The following ANK2 variants were observed in gnomAD, a reference collection of about 807,000 sequenced individuals.
The protein encoded by ANK2 is ankyrin 2.
Under a neutral mutation model 360.5 loss-of-function variants are expected in ANK2, and 83 were observed. The ratio of observed to expected loss-of-function variants is 0.23; its 90% CI spans 0.19 to 0.28. The LOEUF (loss-of-function observed/expected upper bound fraction) is 0.28. Among genes scored for constraint, ANK2 ranks in the 10% least tolerant of loss-of-function variants. The probability of loss-of-function intolerance (pLI) is 1.00; values close to 1 mark genes in which losing one functional copy is unlikely to be tolerated. For missense variants in ANK2, 4,201 were observed against 4,795.7 expected (o/e 0.88, Z 3.66); for synonymous variants, 1,740 against 1,759.5 (o/e 0.99, Z 0.28).
chr4:112,941,666 TATATATAAAAGGATATATAAAG>T (rs1446903783), intron 2 of ANK2, among the ~76,000 whole-genome samples: 14 of 145,790 alleles, frequency 9.6e-5, no homozygotes, highest in South Asian at 2.1e-4. Context: ...TATATATAAA[TATATATAAAAGGATATATAAAG>T]ATATATAAAA....
intron 2 of ANK2, among the ~76,000 whole-genome samples, chr4:112,951,644 T>A (rs1370758779): frequency 6.6e-6 from 1 of 150,428 alleles, no homozygotes; most frequent in South Asian, 2.1e-4. Context: ...TCTAAGGGTT[T>A]AAAAAAAAAA....
At chr4:112,838,913 C>T (rs969924562) in intron 1 of ANK2, among the ~76,000 whole-genome samples, 1 of 152,106 alleles carries the variant, frequency 6.6e-6, no homozygotes, top group African/African-American at 2.4e-5. Flanking sequence ...TTTGGTATTT[C>T]ACTTTCTCAT....
At chr4:113,044,167 A>G (rs2063671910) in intron 2 of ANK2, among the ~76,000 whole-genome samples, 1 of 152,180 alleles carries the variant, frequency 6.6e-6, no homozygotes, top group African/African-American at 2.4e-5. Context: ...GTTTTCATAA[A>G]CAACACCATA....
chr4:113,249,387 G>T (rs1017371232), intron 9 of ANK2, among the ~76,000 whole-genome samples: 2 of 152,112 alleles, frequency 1.3e-5, no homozygotes, highest in South Asian at 4.1e-4. Flanking sequence ...CCCTGTTTTC[G>T]GTTCCAGGGA....
In ANK2 at chr4:113,345,879, T is replaced by C. The variant is rs72556368; in HGVS notation, c.4249-21T>C. ...CTGCAAATCAAATGTGGGTGAAGCA[T>C]GTATGTCTTTCTTGTTCAAGGTACG... is the stretch of plus-strand genomic sequence containing the variant. On this transcript the variant is annotated intron_variant, in intron 34 of 45. Coordinates refer to ENST00000357077, the MANE Select transcript of ANK2 (RefSeq NM_001148.6). The C allele has an allele frequency of 6.0e-3, 9,743 of 1,612,940 alleles. 930 individuals are homozygous for C. In the Admixed American group the frequency reaches 0.15, roughly 25 times the overall value.
At chr4:112,958,476 CG>C (rs1219800069) in intron 2 of ANK2, among the ~76,000 whole-genome samples, 1 of 152,066 alleles carries the variant, frequency 6.6e-6, no homozygotes, top group Non-Finnish European at 1.5e-5. Flanking sequence ...CGCCTGCAAT[CG>C]CAGGCACTCG....
chr4:112,788,885 C>T, the ANK2 span: 4 of 708,698 alleles, frequency 5.6e-6, no homozygotes, highest in Non-Finnish European at 9.8e-6. Flanking sequence ...GCATCTTGGG[C>T]TGCGGGAGGA....
intron 37 of ANK2, among the ~76,000 whole-genome samples, chr4:113,351,521 T>C (rs2095413210): frequency 6.6e-6 from 1 of 152,166 alleles, no homozygotes; most frequent in African/African-American, 2.4e-5. Context: ...CAAATACAGA[T>C]TCTCCCAAGA....
intron 2 of ANK2, among the ~76,000 whole-genome samples, chr4:112,974,688 A>G (rs541564487): frequency 5.3e-5 from 8 of 152,226 alleles, no homozygotes; most frequent in Non-Finnish European, 1.0e-4. Flanking sequence ...TTCACTTTGT[A>G]GGAAAAGGCA....
intron 26 of ANK2, among the ~76,000 whole-genome samples, chr4:113,323,186 T>C (rs1411536198): frequency 6.6e-6 from 1 of 152,068 alleles, no homozygotes; most frequent in African/African-American, 2.4e-5. Flanking sequence ...AAGCAGGAAA[T>C]GAAGTATTGA....
At chr4:112,807,499 T>A in the ANK2 span, among the ~76,000 whole-genome samples, 1 of 152,174 alleles carries the variant, frequency 6.6e-6, no homozygotes, top group African/African-American at 2.4e-5. Flanking sequence ...AGGTTCTGGA[T>A]GATGGTGAAT....
chr4:113,186,672 G>T (rs1012812854), intron 2 of ANK2, among the ~76,000 whole-genome samples: 2 of 150,354 alleles, frequency 1.3e-5, no homozygotes, highest in African/African-American at 4.9e-5. Context: ...ATGATCTCTA[G>T]TCTTTTCAAG....
chr4:112,984,003 A>G (rs2044019337), intron 2 of ANK2, among the ~76,000 whole-genome samples: 1 of 152,250 alleles, frequency 6.6e-6, no homozygotes, highest in African/African-American at 2.4e-5. Flanking sequence ...TGACGAAATA[A>G]TAATGATAAT....
chr4:112,954,251 C>T lies in ANK2; in HGVS notation c.21+49737C>T, dbSNP rs575132778. The stretch of plus-strand genomic sequence containing the variant: ...CCTCCCTTCCTTCCTTCCTTCCTTG[C>T]TTCCTTCCTACCTTCCTTCCTTCCT... On this transcript the variant is annotated intron_variant, in intron 2 of 30. Transcript: ENST00000503271. Among the ~76,000 whole-genome samples the T allele has an allele frequency of 8.4e-4, 111 of 132,012 alleles. 1 individual carries two copies. The highest frequency in any genetic ancestry group is 2.8e-3 in the African/African-American group (104 of 36,632). The allele number at this position is 132,012 out of a possible 152,430, so 86.6% of individuals were successfully genotyped here.
intron 24 of ANK2, among the ~76,000 whole-genome samples, chr4:113,315,701 A>C (rs111937232): frequency 1.1e-3 from 160 of 152,220 alleles, no homozygotes; most frequent in African/African-American, 3.6e-3. Context: ...GATCGAGACC[A>C]TCCTGGCTAA....
chr4:113,025,243 A>G (rs1417769143), intron 2 of ANK2, among the ~76,000 whole-genome samples: 1 of 152,160 alleles, frequency 6.6e-6, no homozygotes, highest in African/African-American at 2.4e-5. Context: ...TGTTTTTAAC[A>G]AGGTAACATG....
chr4:112,710,532 C>T, the ANK2 span, among the ~76,000 whole-genome samples: 1 of 152,038 alleles, frequency 6.6e-6, no homozygotes, highest in African/African-American at 2.4e-5. Flanking sequence ...CTCATCTCTA[C>T]TATGAATACA....
At chr4:113,273,969 A>G (rs893970927) in intron 14 of ANK2, among the ~76,000 whole-genome samples, 3 of 152,220 alleles carry the variant, frequency 2.0e-5, no homozygotes, top group African/African-American at 7.2e-5. Flanking sequence ...CTTGAAGAAA[A>G]TGACCAGCAT....
intron 2 of ANK2, among the ~76,000 whole-genome samples, chr4:112,925,061 A>G (rs776345222): frequency 5.9e-5 from 9 of 152,046 alleles, no homozygotes; most frequent in Admixed American, 5.2e-4. Context: ...GATGGTCTCT[A>G]TCTCCTGACC....
Sources: allele counts gnomAD v4.1 joint callset (sites outside exome capture counted in the v4.1 genomes callset), GRCh38; gene constraint gnomAD v4.1.1; transcripts MANE v1.5; gene names NCBI Gene and HGNC (gene_info 2026-07-23, HGNC 2026-07-21).